The following NELL1 variants were observed in gnomAD, a reference collection of about 807,000 sequenced individuals.
NELL1 encodes the protein neural EGFL like 1, also known as protein kinase C-binding protein NELL1.
NELL1 carries 76 observed loss-of-function variants against 107.4 expected under a neutral mutation model. The ratio of observed to expected loss-of-function variants is 0.71; its 90% CI spans 0.59 to 0.86. The LOEUF (loss-of-function observed/expected upper bound fraction) is 0.86, where lower values mean the gene tolerates loss of function less well. Among genes scored for constraint, NELL1 ranks in the 40% least tolerant of loss-of-function variants. The probability of loss-of-function intolerance (pLI) is 0.00; values close to 1 mark genes in which losing one functional copy is unlikely to be tolerated. For synonymous variants in NELL1, 353 were observed against 341.2 expected (o/e 1.03, Z -0.38); for missense variants, 1,024 against 1,005.5 (o/e 1.02, Z -0.25).
At chr11:21,500,874 G>C (rs79777416) in intron 15 of NELL1, among the ~76,000 whole-genome samples, 13 of 152,148 alleles carry the variant, frequency 8.5e-5, no homozygotes, top group Admixed American at 5.9e-4. Flanking sequence ...CATCATACTT[G>C]CCGTTGTTAA....
In NELL1 at chr11:21,575,037, A is replaced by G; in HGVS notation, c.*15A>G. ...AAAATAATTGAAGTATTTACAGTGG[A>G]CTCAACGCAGAAGAATGGACGAAAT... On this transcript the variant is annotated 3_prime_UTR_variant, in exon 20 of 20. Transcript: ENST00000357134. The G allele has an allele frequency of 1.9e-6, 3 of 1,600,614 alleles. No homozygotes were observed. The highest frequency in any genetic ancestry group is 2.6e-6 in the Non-Finnish European group (3 of 1,168,664).
In NELL1 at chr11:21,504,908, G is replaced by A. The variant is rs149571643; in HGVS notation, c.1646-29466G>A. 1.3e-3 allele frequency among the ~76,000 whole-genome samples: 205 copies of A among 152,120 alleles called. 3 individuals carry two copies. Among genetic ancestry groups the A allele is most frequent in the Admixed American group, 0.011 (171 of 15,266 alleles). ...CTTCCTGTGATTATGTCAATATGGT[G>A]GATTCAGAGTTAAGGGTATTCTAGC... On this transcript the variant is annotated intron_variant, in intron 15 of 19. Transcript: ENST00000357134.
chr11:20,877,766 AT>A (rs1371320635), intron 4 of NELL1, among the ~76,000 whole-genome samples: 2 of 152,174 alleles, frequency 1.3e-5, no homozygotes, highest in African/African-American at 4.8e-5. Context: ...TTTACATGGT[AT>A]TATATTAGAA....
intron 14 of NELL1, among the ~76,000 whole-genome samples, chr11:21,271,767 T>A (rs879283381): frequency 5.9e-5 from 9 of 152,308 alleles, no homozygotes; most frequent in Admixed American, 4.6e-4. Context: ...TTTAAAAAAA[T>A]ACACCATAAC....
intron 13 of NELL1, among the ~76,000 whole-genome samples, chr11:21,127,586 AAG>A (rs1379853087): frequency 6.6e-6 from 1 of 150,802 alleles, no homozygotes; most frequent in Admixed American, 6.6e-5. Flanking sequence ...GAAGAAGAGG[AAG>A]AGGAGGAAGA....
At chr11:21,169,378 G>T (rs780693167) in intron 13 of NELL1, among the ~76,000 whole-genome samples, 7 of 151,768 alleles carry the variant, frequency 4.6e-5, no homozygotes, top group Non-Finnish European at 7.4e-5. Context: ...TTATAATGTT[G>T]TGTATCTGGT....
intron 11 of NELL1, among the ~76,000 whole-genome samples, chr11:20,957,321 C>T (rs1476079634): frequency 1.1e-4 from 17 of 152,146 alleles, no homozygotes; most frequent in Non-Finnish European, 7.3e-5. Flanking sequence ...AGACTTTATT[C>T]CACCTGTGTG....
intron 15 of NELL1, chr11:21,383,674 TA>T (rs1449035740): frequency 6.7e-6 from 1 of 148,630 alleles, no homozygotes; most frequent in Non-Finnish European, 1.5e-5. Flanking sequence ...TATGTATATA[TA>T]TATATAAATA....
chr11:21,399,002 T>A (rs935079422), intron 15 of NELL1, among the ~76,000 whole-genome samples: 1 of 151,374 alleles, frequency 6.6e-6, no homozygotes, highest in African/African-American at 2.4e-5. Flanking sequence ...ATATTCAGAT[T>A]TGTCTTTTGG....
In NELL1 at chr11:21,462,923, A is replaced by AGTT. The variant is rs571138861; in HGVS notation, c.1646-71450_1646-71448dup. On this transcript the variant is annotated intron_variant, in intron 15 of 19. Transcript: ENST00000357134. ...AGCACCTGTGTTTGACTGTAATGGC[A>AGTT]GTTTGGATACCATTTAAGCAGGACT... Among the ~76,000 whole-genome samples, 288 of 152,200 alleles carry AGTT rather than the reference A, an allele frequency of 1.9e-3. 1 individual carries two copies. The highest frequency in any genetic ancestry group is 6.9e-3 in the African/African-American group (285 of 41,556).
At chr11:20,672,851 ATT>A (rs35403876) in intron 1 of NELL1, among the ~76,000 whole-genome samples, 6 of 137,214 alleles carry the variant, frequency 4.4e-5, no homozygotes, top group Admixed American at 7.4e-5. Context: ...AAAGGAGAGA[ATT>A]TTTTTTTTTT....
intron 15 of NELL1, among the ~76,000 whole-genome samples, chr11:21,457,852 C>T (rs1028511333): frequency 6.6e-6 from 1 of 151,912 alleles, no homozygotes; most frequent in Non-Finnish European, 1.5e-5. Context: ...GTCATAGGAG[C>T]CAAAGAAAGT....
Position 21,144,891 on chromosome 11 carries a change from C to G in NELL1, c.1426+31177C>G, listed in dbSNP as rs117528016. On this transcript the variant is annotated intron_variant, in intron 13 of 19. Transcript: ENST00000357134. ...TTCTAAAATGCTGTTTCATGGTGCT[C>G]TTTATCTCAGGCTCTGGAATCAGGC... Among the ~76,000 whole-genome samples the G allele has an allele frequency of 3.5e-4, 54 of 152,284 alleles. 1 individual carries two copies. The East Asian group carries it at 0.01, about 29-fold the overall frequency.
At chr11:20,912,032 G>C (rs1380511942) in intron 5 of NELL1, among the ~76,000 whole-genome samples, 2 of 152,130 alleles carry the variant, frequency 1.3e-5, no homozygotes, top group African/African-American at 4.8e-5. Flanking sequence ...AACCACATCT[G>C]CTGAATTGCT....
At chr11:21,210,273 T>C (rs1857471284) in intron 13 of NELL1, among the ~76,000 whole-genome samples, 1 of 152,182 alleles carries the variant, frequency 6.6e-6, no homozygotes, top group South Asian at 2.1e-4. Flanking sequence ...TGCTGGATGA[T>C]GTGGTAACCC....
At chr11:20,803,249 A>G (rs967030590) in intron 3 of NELL1, among the ~76,000 whole-genome samples, 1 of 152,040 alleles carries the variant, frequency 6.6e-6, no homozygotes, top group South Asian at 2.1e-4. Flanking sequence ...ATTACATATC[A>G]TTGGTCTGTT....
intron 12 of NELL1, among the ~76,000 whole-genome samples, chr11:21,007,101 A>G (rs1318616440): frequency 6.6e-6 from 1 of 152,070 alleles, no homozygotes; most frequent in African/African-American, 2.4e-5. Flanking sequence ...TCTCTTGAGC[A>G]AGGAAGGATT....
chr11:20,981,484 T>C (rs1851748584), intron 12 of NELL1, among the ~76,000 whole-genome samples: 1 of 152,118 alleles, frequency 6.6e-6, no homozygotes, highest in Non-Finnish European at 1.5e-5. Context: ...AGTGGTAGGA[T>C]ATGAAGTGAT....
rs567603307 is a variant in NELL1, at chr11:21,317,902, C to T, written c.1550-52951C>T. 2.6e-5 allele frequency among the ~76,000 whole-genome samples: 4 copies of T among 152,060 alleles called. No homozygotes were observed. The South Asian group carries it at 6.3e-4, about 24-fold the overall frequency. ...GAATTCTAATATTATTATTATGTAA[C>T]CATGTAAGTTAAGTAAAAATTATCC... On this transcript the variant is annotated intron_variant, in intron 14 of 19. Coordinates refer to ENST00000357134, the MANE Select transcript of NELL1 (RefSeq NM_006157.5).
Sources: allele counts gnomAD v4.1 joint callset (sites outside exome capture counted in the v4.1 genomes callset), GRCh38; gene constraint gnomAD v4.1.1; transcripts MANE v1.5; gene names NCBI Gene and HGNC (gene_info 2026-07-23, HGNC 2026-07-21).